The following BACH2 variants were observed in gnomAD, a reference collection of about 807,000 sequenced individuals.
The protein encoded by BACH2 is transcription regulator protein BACH2.
Under a neutral mutation model 61.8 loss-of-function variants are expected in BACH2, and 5 were observed. The ratio of observed to expected loss-of-function variants is 0.08; its 90% confidence interval spans 0.04 to 0.17. BACH2 has a LOEUF of 0.17. BACH2 is among the 10% of genes least tolerant of loss of function. BACH2 has a pLI of 1.00. For synonymous variants in BACH2, 446 were observed against 440.1 expected (o/e 1.01, Z -0.17); for missense variants, 824 against 1,091.1 (o/e 0.76, Z 3.45).
At chr6:90,116,250 C>T (rs1490461564) in intron 4 of BACH2, among the ~76,000 whole-genome samples, 4 of 152,080 alleles carry the variant, frequency 2.6e-5, no homozygotes, top group African/African-American at 7.2e-5. Context: ...CCTAAATGCC[C>T]GTCAATGACA....
At chr6:89,987,943 T>C (rs1354857902) in intron 6 of BACH2, among the ~76,000 whole-genome samples, 1 of 152,158 alleles carries the variant, frequency 6.6e-6, no homozygotes, top group Non-Finnish European at 1.5e-5. Context: ...TTACTCTGGA[T>C]ACCACTAGCA....
rs147643345 is a variant in BACH2, at chr6:89,980,714, C to T, written c.243+27888G>A. On this transcript the variant is annotated intron_variant, in intron 6 of 8. Coordinates refer to ENST00000257749, the MANE Select transcript of BACH2 (RefSeq NM_021813.4). ...AGTGGATCTGCAGAACCCTGCTGGC[C>T]TCCACTGGAAGGTGTTGAGTCTTTT... Among the ~76,000 whole-genome samples, 941 of 152,320 alleles carry T rather than the reference C, an allele frequency of 6.2e-3. 6 individuals carry two copies. Among genetic ancestry groups the T allele is most frequent in the African/African-American group, 0.021 (893 of 41,568 alleles).
chr6:90,016,806 TG>T (rs201366217), intron 5 of BACH2, among the ~76,000 whole-genome samples: 6 of 151,900 alleles, frequency 3.9e-5, no homozygotes, highest in Non-Finnish European at 5.9e-5. Flanking sequence ...GGTTGACAGG[TG>T]TTTTTTTTTT....
intron 5 of BACH2, among the ~76,000 whole-genome samples, chr6:90,033,567 A>G (rs1779118277): frequency 6.6e-6 from 1 of 152,194 alleles, no homozygotes; most frequent in South Asian, 2.1e-4. Flanking sequence ...AGGTGCATTT[A>G]TATAGGAACA....
At chr6:90,235,430 A>G (rs528327585) in intron 3 of BACH2, among the ~76,000 whole-genome samples, 14 of 152,346 alleles carry the variant, frequency 9.2e-5, no homozygotes, top group Non-Finnish European at 1.9e-4. Flanking sequence ...CCAACACAGT[A>G]AACATTCAAG....
chr6:90,219,398 G>A (rs1769659650), intron 3 of BACH2, among the ~76,000 whole-genome samples: 1 of 152,166 alleles, frequency 6.6e-6, no homozygotes, highest in South Asian at 2.1e-4. Flanking sequence ...ATCCACACAA[G>A]CAACTGCAAA....
chr6:90,007,119 G>A (rs1777450490), intron 6 of BACH2, among the ~76,000 whole-genome samples: 1 of 151,960 alleles, frequency 6.6e-6, no homozygotes, highest in African/African-American at 2.4e-5. Context: ...CTGTCACCCA[G>A]GCTGGAGTGC....
intron 5 of BACH2, among the ~76,000 whole-genome samples, chr6:90,024,416 G>A (rs954734192): frequency 6.6e-5 from 10 of 152,198 alleles, no homozygotes; most frequent in African/African-American, 2.4e-4. Context: ...GAGGCCTTTT[G>A]GGAGATGGTA....
intron 4 of BACH2, among the ~76,000 whole-genome samples, chr6:90,139,279 T>C (rs1320151899): frequency 6.6e-6 from 1 of 152,200 alleles, no homozygotes; most frequent in Non-Finnish European, 1.5e-5. Flanking sequence ...TCCTCATGAT[T>C]ATGTTTTATA....
chr6:90,088,818 C>T (rs1472487642), intron 5 of BACH2, 143 bp downstream of exon 5: 1 of 152,074 alleles, frequency 6.6e-6, no homozygotes, highest in Non-Finnish European at 1.5e-5. Flanking sequence ...ATACAGATTC[C>T]AACCTTTGCT....
chr6:90,122,882 T>C (rs562275373), intron 4 of BACH2, among the ~76,000 whole-genome samples: 27 of 152,294 alleles, frequency 1.8e-4, no homozygotes, highest in Admixed American at 5.9e-4. Context: ...GACCTTCCTA[T>C]AGTTACACAT....
At chr6:89,979,861 C>T (rs1775854704) in intron 6 of BACH2, among the ~76,000 whole-genome samples, 1 of 152,182 alleles carries the variant, frequency 6.6e-6, no homozygotes, top group Non-Finnish European at 1.5e-5. Flanking sequence ...TTTAATCTTC[C>T]TTCCTTAGAC....
In BACH2 at chr6:89,931,957, A is replaced by G. The variant is rs199924457; in HGVS notation, c.*451T>C. On this transcript the variant is annotated 3_prime_UTR_variant, in exon 9 of 9. Coordinates refer to ENST00000257749, the MANE Select transcript of BACH2 (RefSeq NM_021813.4). ...TGGATATATATATATATATATATAT[A>G]TTTTATATATATATTATATATAATA... The G allele has an allele frequency of 8.1e-6, 1 of 123,878 alleles. No individual in the cohort carries two copies. Among genetic ancestry groups the G allele is most frequent in the Admixed American group, 8.0e-5 (1 of 12,434 alleles). 7.7% of individuals were successfully genotyped at this position (123,878 alleles called of 1,614,324 possible). A position where few individuals can be genotyped will look rare whatever the true frequency, so the allele number is the denominator to read the frequency against.
rs549849023 is a variant in BACH2, at chr6:90,172,577, G to A, written c.-162+33992C>T. The stretch of plus-strand genomic sequence containing the variant: ...AGACCATCATAAAAAAAGCTCTGGG[G>A]GAAATCTGGGGAAAATGTCTTTAAA... On this transcript the variant is annotated intron_variant, in intron 4 of 8. Transcript: ENST00000257749. Among the ~76,000 whole-genome samples the A allele has an allele frequency of 2.0e-5, 3 of 151,640 alleles. No individual in the cohort carries two copies. In the South Asian group the frequency reaches 6.3e-4, roughly 32 times the overall value.
intron 3 of BACH2, among the ~76,000 whole-genome samples, chr6:90,210,239 T>C (rs1769294754): frequency 6.6e-6 from 1 of 151,948 alleles, no homozygotes; most frequent in Non-Finnish European, 1.5e-5. Context: ...AGTGACTTCA[T>C]TTCAAGACGC....
At chr6:90,178,815 T>C (rs1768060868) in intron 4 of BACH2, among the ~76,000 whole-genome samples, 1 of 152,192 alleles carries the variant, frequency 6.6e-6, no homozygotes, top group Non-Finnish European at 1.5e-5. Flanking sequence ...ATGGCACAGA[T>C]GCAAAGTATT....
Position 90,070,190 on chromosome 6 carries a change from C to T in BACH2, c.-13+18771G>A, listed in dbSNP as rs567263391. On this transcript the variant is annotated intron_variant, in intron 5 of 8. Transcript: ENST00000257749. Reference sequence around the variant, plus strand: ...GGGGTTCTGGACAAGCACCCACCTACGGACAGCACACTGCCATCCACAAAG... The same window carrying T: ...GGGGTTCTGGACAAGCACCCACCTATGGACAGCACACTGCCATCCACAAAG... Among the ~76,000 whole-genome samples the T allele has an allele frequency of 3.9e-5, 6 of 152,308 alleles. No individual in the cohort carries two copies. The East Asian group carries it at 5.8e-4, about 15-fold the overall frequency.
At chr6:90,055,778 G>T (rs943395923) in intron 5 of BACH2, among the ~76,000 whole-genome samples, 1 of 152,062 alleles carries the variant, frequency 6.6e-6, no homozygotes, top group Admixed American at 6.5e-5. Flanking sequence ...CTGATCTCTC[G>T]GCAGAAACTC....
Position 89,929,122 on chromosome 6 carries a change from C to T in BACH2, c.*3286G>A, listed in dbSNP as rs1365411011. The T allele has an allele frequency of 1.3e-5, 2 of 152,144 alleles. No individual in the cohort carries two copies. Among genetic ancestry groups the T allele is most frequent in the Admixed American group, 6.6e-5 (1 of 15,240 alleles). The allele number at this position is 152,144 out of a possible 1,614,324, so 9.4% of individuals were successfully genotyped here. On this transcript the variant is annotated 3_prime_UTR_variant, in exon 9 of 9. Coordinates refer to ENST00000257749, the MANE Select transcript of BACH2 (RefSeq NM_021813.4). Reference sequence around the variant, plus strand: ...GGTCACTCACCTCCACTGGCTCTGCCCCAACAACCATTCCTACCCCAGCCA... The same window carrying T: ...GGTCACTCACCTCCACTGGCTCTGCTCCAACAACCATTCCTACCCCAGCCA...
Sources: allele counts gnomAD v4.1 joint callset (sites outside exome capture counted in the v4.1 genomes callset), GRCh38; gene constraint gnomAD v4.1.1; transcripts MANE v1.5; gene names NCBI Gene and HGNC (gene_info 2026-07-23, HGNC 2026-07-21).